TLN2: variants seen among roughly 807,000 people sequenced by gnomAD.
TLN2 encodes the protein talin-2.
TLN2 carries 118 observed loss-of-function variants against 294.7 expected under a neutral mutation model. The ratio of observed to expected loss-of-function variants is 0.40; its 90% CI spans 0.34 to 0.47. The LOEUF is 0.47. TLN2 is among the 20% of genes least tolerant of loss of function. The probability of loss-of-function intolerance (pLI) is 0.84; values close to 1 mark genes in which losing one functional copy is unlikely to be tolerated. For synonymous variants in TLN2, 1,431 were observed against 1,304.5 expected (o/e 1.10, Z -2.09); for missense variants, 3,083 against 3,282.2 (o/e 0.94, Z 1.48).
At chr15:62,625,939 T>C (rs1259197969) in intron 3 of TLN2, among the ~76,000 whole-genome samples, 2 of 152,096 alleles carry the variant, frequency 1.3e-5, no homozygotes, top group East Asian at 1.9e-4. Flanking sequence ...GTCTAGGCTG[T>C]AGGTGGGGTA....
intron 1 of TLN2, among the ~76,000 whole-genome samples, chr15:62,414,810 C>T (rs1320640442): frequency 7.1e-6 from 1 of 141,416 alleles, no homozygotes; most frequent in Non-Finnish European, 1.5e-5. Flanking sequence ...CTCGAGTCTA[C>T]CTCCAACTTG....
chr15:62,588,377 T>C (rs1354349530), intron 1 of TLN2, among the ~76,000 whole-genome samples: 1 of 151,702 alleles, frequency 6.6e-6, no homozygotes, highest in African/African-American at 2.4e-5. Flanking sequence ...GGCTCACACG[T>C]GTAATCCCAG....
At chr15:62,793,152 C>G (rs2141120218) in intron 46 of TLN2, among the ~76,000 whole-genome samples, 1 of 152,304 alleles carries the variant, frequency 6.6e-6, no homozygotes, top group Middle Eastern at 3.4e-3. Flanking sequence ...TCTGTTGACA[C>G]CATCTTTCTT....
chr15:62,722,931 T>C (rs1053883996), intron 26 of TLN2, among the ~76,000 whole-genome samples: 5 of 152,232 alleles, frequency 3.3e-5, no homozygotes, highest in African/African-American at 1.2e-4. Context: ...TCATCTTTAT[T>C]ATCTTTTTTG....
intron 55 of TLN2, chr15:62,835,363 G>A (rs1420960621): frequency 3.9e-6 from 1 of 254,986 alleles, no homozygotes; most frequent in Non-Finnish European, 7.6e-6. Flanking sequence ...CTTAGCCCTT[G>A]AAAAGAGGAG....
At chr15:62,779,533 TC>T (rs1392765685) in intron 43 of TLN2, among the ~76,000 whole-genome samples, 2 of 152,244 alleles carry the variant, frequency 1.3e-5, no homozygotes, top group Non-Finnish European at 2.9e-5. Context: ...CTTTGTTCTT[TC>T]TTTTCCCATT....
chr15:62,555,145 G>A (rs962715178), intron 1 of TLN2, among the ~76,000 whole-genome samples: 2 of 152,160 alleles, frequency 1.3e-5, no homozygotes, highest in African/African-American at 4.8e-5. Flanking sequence ...TTTGAAGTGC[G>A]AAGCTTTTCC....
At chr15:62,689,064 CTCTCTTTT>C (rs2057542067) in intron 12 of TLN2, among the ~76,000 whole-genome samples, 1 of 142,902 alleles carries the variant, frequency 7.0e-6, no homozygotes, top group African/African-American at 2.6e-5. Context: ...TTATTTCTCT[CTCTCTTTT>C]TTTTTTTTTT....
Position 62,776,881 on chromosome 15 carries a change from G to C in TLN2, c.5485G>C (p.Val1829Leu). The C allele has an allele frequency of 1.3e-6, 2 of 1,590,070 alleles. No individual in the cohort carries two copies. Among genetic ancestry groups the C allele is most frequent in the South Asian group, 1.1e-5 (1 of 88,174 alleles). ...ASEVGLVGGM[V>L]DAIAEAMSKL... is the part of the protein sequence containing the mutation. Reference sequence around the variant, plus strand: ...TGAAGTGGGGCTGGTTGGGGGCATGGTGGACGCCATTGCAGAAGCCATGAG... The same window carrying C: ...TGAAGTGGGGCTGGTTGGGGGCATGCTGGACGCCATTGCAGAAGCCATGAG... The change falls in exon 43 of 59, where the codon GTG (valine) becomes CTG (leucine). Residue 1829 changes from valine (V) to leucine (L), a missense_variant. Val to Leu is a conservative substitution (Grantham distance 32). Coordinates refer to ENST00000636159, the MANE Select transcript of TLN2 (RefSeq NM_015059.3).
chr15:62,793,701 C>T (rs2065243421), intron 46 of TLN2, among the ~76,000 whole-genome samples: 1 of 151,992 alleles, frequency 6.6e-6, no homozygotes, highest in Admixed American at 6.6e-5. Flanking sequence ...TGCTTTTTGT[C>T]TCGGAATCAT....
Position 62,544,840 on chromosome 15 carries a change from C to A in TLN2, c.-237-44847C>A, listed in dbSNP as rs1056274961. Among the ~76,000 whole-genome samples, 9 of 148,886 alleles carry A rather than the reference C, an allele frequency of 6.0e-5. No individual in the cohort carries two copies. The South Asian group carries it at 1.9e-3, about 32-fold the overall frequency. ...GGTGTCAGGATTAGCTAACTTTATTCTTAGTTTTTTTTTCCTTATCAATGC... is the reference window on the plus strand; with the variant it reads ...GGTGTCAGGATTAGCTAACTTTATTATTAGTTTTTTTTTCCTTATCAATGC... On this transcript the variant is annotated intron_variant, in intron 1 of 58. Coordinates refer to ENST00000636159, the MANE Select transcript of TLN2 (RefSeq NM_015059.3).
intron 1 of TLN2, among the ~76,000 whole-genome samples, chr15:62,556,657 C>T (rs1402744991): frequency 6.6e-6 from 1 of 152,176 alleles, no homozygotes; most frequent in Admixed American, 6.5e-5. Flanking sequence ...CCACTAGACT[C>T]TAGGCAGACA....
chr15:62,729,736 T>C (rs2060616350), intron 28 of TLN2, among the ~76,000 whole-genome samples: 1 of 152,178 alleles, frequency 6.6e-6, no homozygotes, highest in Non-Finnish European at 1.5e-5. Context: ...TGTGTATTTA[T>C]AGGTAGTGTA....
chr15:62,492,565 AAAAG>A (rs1250086308), intron 1 of TLN2, among the ~76,000 whole-genome samples: 2 of 151,220 alleles, frequency 1.3e-5, no homozygotes, highest in Non-Finnish European at 3.0e-5. Context: ...AAAAAAGAAA[AAAAG>A]AAAAAAAACT....
chr15:62,681,945 G>A (rs986319119), intron 11 of TLN2, among the ~76,000 whole-genome samples: 16 of 152,016 alleles, frequency 1.1e-4, no homozygotes, highest in African/African-American at 3.4e-4. Context: ...TCTTAGAGAC[G>A]GGTCTCCTTA....
In TLN2 at chr15:62,840,812, C is replaced by G; in HGVS notation, c.*202C>G. 3 of 643,910 alleles carry G rather than the reference C, an allele frequency of 4.7e-6. No homozygotes were observed. The highest frequency in any genetic ancestry group is 8.8e-4 in the Middle Eastern group (2 of 2,278). The allele number at this position is 643,910 out of a possible 1,614,324, so 39.9% of individuals were successfully genotyped here. On this transcript the variant is annotated 3_prime_UTR_variant, in exon 59 of 59. Transcript: ENST00000636159. Reference sequence around the variant, plus strand: ...ATGTCACACGGTACAATGTCCTACCCACAACTCCTCTGCCGCCTCCCCTCA... The same window carrying G: ...ATGTCACACGGTACAATGTCCTACCGACAACTCCTCTGCCGCCTCCCCTCA...
chr15:62,774,357 C>T (rs892225087), intron 42 of TLN2, among the ~76,000 whole-genome samples: 5 of 152,070 alleles, frequency 3.3e-5, no homozygotes, highest in Non-Finnish European at 5.9e-5. Context: ...GGAACCCCTC[C>T]GGAATCTAAA....
At chr15:62,442,646 G>C (rs1012643909) in intron 1 of TLN2, among the ~76,000 whole-genome samples, 4 of 152,018 alleles carry the variant, frequency 2.6e-5, no homozygotes, top group Non-Finnish European at 4.4e-5. Context: ...TGAGTGTACT[G>C]TGTGAGATAA....
At chr15:62,642,062 G>A (rs1259941671) in intron 3 of TLN2, among the ~76,000 whole-genome samples, 4 of 152,220 alleles carry the variant, frequency 2.6e-5, no homozygotes, top group Admixed American at 6.5e-5. Flanking sequence ...CACTGGTTTC[G>A]TCAGCTCCGC....
Sources: allele counts gnomAD v4.1 joint callset (sites outside exome capture counted in the v4.1 genomes callset), GRCh38; gene constraint gnomAD v4.1.1; transcripts MANE v1.5; gene names NCBI Gene and HGNC (gene_info 2026-07-23, HGNC 2026-07-21).